The following EBF2 variants were observed in gnomAD, a reference collection of about 807,000 sequenced individuals.
The protein encoded by EBF2 is transcription factor COE2.
In EBF2, 21 loss-of-function variants were observed where a neutral mutation model predicts 72.8. That is an observed-to-expected ratio of 0.29 (90% confidence interval 0.20 to 0.42). The LOEUF (loss-of-function observed/expected upper bound fraction) is 0.42, where lower values mean the gene tolerates loss of function less well. EBF2 is among the 10% of genes least tolerant of loss of function. The pLI is 1.00. For synonymous variants in EBF2, 299 were observed against 274.2 expected (o/e 1.09, Z -0.89); for missense variants, 637 against 731.2 (o/e 0.87, Z 1.49).
intron 5 of EBF2, among the ~76,000 whole-genome samples, chr8:26,035,313 T>G (rs1334120931): frequency 6.6e-6 from 1 of 152,080 alleles, no homozygotes; most frequent in Non-Finnish European, 1.5e-5. Flanking sequence ...CTTGGCTAAT[T>G]TTTTATTTTT....
chr8:26,036,286 G>C (rs1805499842), intron 5 of EBF2, among the ~76,000 whole-genome samples: 1 of 152,084 alleles, frequency 6.6e-6, no homozygotes, highest in African/African-American at 2.4e-5. Flanking sequence ...TATAATGTAG[G>C]GAAAGAACTT....
At chr8:25,892,741 A>G (rs73553930) in intron 7 of EBF2, among the ~76,000 whole-genome samples, 3 of 152,240 alleles carry the variant, frequency 2.0e-5, no homozygotes, top group African/African-American at 7.2e-5. Context: ...AGTGTCAGTC[A>G]TCCAACCCAA....
chr8:26,031,683 A>T (rs1233744953), intron 6 of EBF2: 1 of 151,606 alleles, frequency 6.6e-6, no homozygotes, highest in East Asian at 1.9e-4. Context: ...TGATCTGCCC[A>T]CCTCGGTCTT....
chr8:26,001,984 TTAAACTCAC>T (rs1344514322), intron 6 of EBF2, among the ~76,000 whole-genome samples: 1 of 152,176 alleles, frequency 6.6e-6, no homozygotes, highest in Non-Finnish European at 1.5e-5. Context: ...CTGAAATGCA[TTAAACTCAC>T]TAGGATTGTG....
intron 7 of EBF2, among the ~76,000 whole-genome samples, chr8:25,901,126 A>C (rs1802944864): frequency 6.6e-6 from 1 of 152,192 alleles, no homozygotes; most frequent in African/African-American, 2.4e-5. Flanking sequence ...ATATCAATAA[A>C]AAAAATTTAG....
chr8:25,951,254 G>A (rs946856224), intron 6 of EBF2, among the ~76,000 whole-genome samples: 7 of 152,170 alleles, frequency 4.6e-5, no homozygotes, highest in Middle Eastern at 3.4e-3. Flanking sequence ...GTGTTGGATC[G>A]ACAGTGCCAG....
chr8:25,936,681 A>T (rs1336520801), intron 6 of EBF2, among the ~76,000 whole-genome samples: 1 of 152,146 alleles, frequency 6.6e-6, no homozygotes, highest in African/African-American at 2.4e-5. Context: ...CATTTACAAG[A>T]GGGTTTCGTT....
chr8:25,908,853 T>G (rs944470380), intron 6 of EBF2, among the ~76,000 whole-genome samples: 5 of 152,046 alleles, frequency 3.3e-5, no homozygotes, highest in Admixed American at 2.6e-4. Flanking sequence ...TCTGGAAAAT[T>G]TTTTTAAAAA....
intron 6 of EBF2, among the ~76,000 whole-genome samples, chr8:26,029,960 G>A (rs1198384865): frequency 1.3e-5 from 2 of 152,026 alleles, no homozygotes; most frequent in Admixed American, 1.3e-4. Flanking sequence ...CATCCAGGCT[G>A]GAATATGGTG....
At chr8:25,872,282 T>A (rs547760684) in intron 10 of EBF2, among the ~76,000 whole-genome samples, 24 of 151,988 alleles carry the variant, frequency 1.6e-4, no homozygotes, top group South Asian at 6.3e-4. Flanking sequence ...TTGCTTTTTT[T>A]AAAAAAAATG....
At chr8:26,024,614 A>G (rs1177090154) in intron 6 of EBF2, among the ~76,000 whole-genome samples, 1 of 152,206 alleles carries the variant, frequency 6.6e-6, no homozygotes, top group Non-Finnish European at 1.5e-5. Context: ...GAATTGTCCT[A>G]TATGAACTGG....
intron 6 of EBF2, among the ~76,000 whole-genome samples, chr8:25,931,772 C>T (rs1803485016): frequency 6.6e-6 from 1 of 152,112 alleles, no homozygotes; most frequent in Non-Finnish European, 1.5e-5. Context: ...CGTCCATTGA[C>T]ATGCACGCCT....
chr8:25,958,889 T>G (rs1328871566), intron 6 of EBF2, among the ~76,000 whole-genome samples: 1 of 152,232 alleles, frequency 6.6e-6, no homozygotes, highest in Non-Finnish European at 1.5e-5. Flanking sequence ...CTCTTTCCAT[T>G]TCTTTTTGAC....
chr8:26,014,515 C>T (rs534363264), intron 6 of EBF2, among the ~76,000 whole-genome samples: 3 of 152,236 alleles, frequency 2.0e-5, no homozygotes, highest in Admixed American at 2.0e-4. Flanking sequence ...CTCCTTTGCA[C>T]TATTAGGAAG....
At chr8:25,991,440 C>G (rs1804544148) in intron 6 of EBF2, among the ~76,000 whole-genome samples, 1 of 152,172 alleles carries the variant, frequency 6.6e-6, no homozygotes, top group African/African-American at 2.4e-5. Flanking sequence ...TAGATGGTCT[C>G]ACTTTCTTCC....
In EBF2 at chr8:25,975,416, A is replaced by AGAT. The variant is rs537301016; in HGVS notation, c.551+57668_551+57669insATC. On this transcript the variant is annotated intron_variant, in intron 6 of 15. Coordinates refer to ENST00000520164, the MANE Select transcript of EBF2 (RefSeq NM_022659.4). ...GAAAGCAATATCAGATTCCTTTCTT[A>AGAT]TCACTTCTTCAGGATAAAATTCAGA... Among the ~76,000 whole-genome samples, 31 of 152,330 alleles carry AGAT rather than the reference A, an allele frequency of 2.0e-4. No individual in the cohort carries two copies. In the South Asian group the frequency reaches 6.2e-3, roughly 31 times the overall value.
intron 11 of EBF2, among the ~76,000 whole-genome samples, chr8:25,862,199 A>C (rs1254754869): frequency 6.6e-6 from 1 of 152,226 alleles, no homozygotes; most frequent in African/African-American, 2.4e-5. Flanking sequence ...TTTTAAAGAA[A>C]GCTAACAACA....
rs1414125429 is a variant in EBF2, at chr8:25,886,841, C to T, written c.923G>A (p.Arg308Gln). 10 of 1,613,050 alleles carry T rather than the reference C, an allele frequency of 6.2e-6. No homozygotes were observed. The highest frequency in any genetic ancestry group is 2.2e-5 in the East Asian group (1 of 44,852). The change falls in exon 10 of 16, where the codon CGG (arginine) becomes CAG (glutamine). Residue 308 changes from arginine (R) to glutamine (Q), a missense_variant. Coordinates refer to ENST00000520164, the MANE Select transcript of EBF2 (RefSeq NM_022659.4). Reference protein sequence around the residue: ...PHAIRVQTPPRHIPGVVEVTL... With the variant: ...PHAIRVQTPPQHIPGVVEVTL... ...CACCTCTACCACGCCTGGGATGTGCCGGGGAGGAGTCTGTACTCTGATGGC... is the reference window on the plus strand; with the variant it reads ...CACCTCTACCACGCCTGGGATGTGCTGGGGAGGAGTCTGTACTCTGATGGC...
At chr8:25,969,298 G>T (rs182332199) in intron 6 of EBF2, among the ~76,000 whole-genome samples, 3 of 152,308 alleles carry the variant, frequency 2.0e-5, no homozygotes, top group African/African-American at 7.2e-5. Context: ...CATTTCTTGC[G>T]CAAAGCCTAG....
Sources: gnomAD v4.1 joint callset for allele counts (sites outside exome capture counted in the v4.1 genomes callset) on GRCh38, gnomAD v4.1.1 for gene constraint, MANE v1.5 for transcripts, NCBI Gene and HGNC (gene_info 2026-07-23, HGNC 2026-07-21) for gene names.